The following C10orf67 variants were observed in gnomAD, a reference collection of about 807,000 sequenced individuals.
The protein encoded by C10orf67 is uncharacterized protein C10orf67, mitochondrial.
C10orf67 carries 60 observed loss-of-function variants against 35.6 expected under a neutral mutation model. The ratio of observed to expected loss-of-function variants is 1.68; its 90% confidence interval spans 1.37 to 2.09. The LOEUF (loss-of-function observed/expected upper bound fraction) is 2.09. Ranked by LOEUF, C10orf67 falls within the 30% of genes most tolerant of loss-of-function variation. The pLI is 0.00. For missense variants in C10orf67, 474 were observed against 330.2 expected (o/e 1.44, Z -3.38); for synonymous variants, 167 against 115.8 (o/e 1.44, Z -2.84).
chr10:23,234,572 G>C (rs1373376482), intron 13 of C10orf67, among the ~76,000 whole-genome samples: 1 of 152,088 alleles, frequency 6.6e-6, no homozygotes, highest in Non-Finnish European at 1.5e-5. Context: ...AATAACTAAT[G>C]GGTTCCGGAC....
chr10:23,306,165 G>C (rs4747460), intron 4 of C10orf67, among the ~76,000 whole-genome samples: 11,962 of 152,168 alleles, frequency 0.079, 1,410 homozygotes, highest in East Asian at 0.62. Context: ...ATATAAAAAG[G>C]TAAATAGTGT....
In C10orf67 at chr10:23,203,470, C is replaced by T. The variant is rs1564451188; in HGVS notation, c.*703G>A. On this transcript the variant is annotated 3_prime_UTR_variant, in exon 16 of 16. Transcript: ENST00000636213. ...CTACGATTCAGATACAGGCTCTTAA[C>T]AAGGCCTTACTTGTAGTTAGGGGAA... 2 of 152,192 alleles carry T rather than the reference C, an allele frequency of 1.3e-5. No individual in the cohort carries two copies. Among genetic ancestry groups the T allele is most frequent in the South Asian group, 2.1e-4 (1 of 4,824 alleles). 9.4% of individuals were successfully genotyped at this position (152,192 alleles called of 1,614,324 possible). A position where few individuals can be genotyped will look rare whatever the true frequency, so the allele number is the denominator to read the frequency against.
Position 23,204,207 on chromosome 10 carries a change from A to G in C10orf67, c.1619T>C (p.Met540Thr). Reference protein sequence around the residue: ...PKEESLEEPSMRQSSPAETVD With the variant: ...PKEESLEEPSTRQSSPAETVD ...AGTCTCTGCGGGGCTGCTCTGGCGC[A>G]TGGAGGGCTCCTCCAAGGACTCTTC... The change falls in exon 16 of 16, where the codon ATG becomes ACG. Residue 540 changes from methionine (M) to threonine (T), a missense_variant. By Grantham distance (81) the Met-to-Thr change is moderately conservative. Coordinates refer to ENST00000636213, the MANE Select transcript of C10orf67 (RefSeq NM_001371909.1). The G allele has an allele frequency of 1.5e-6, 1 of 652,186 alleles. No individual in the cohort carries two copies. Among genetic ancestry groups the G allele is most frequent in the Non-Finnish European group, 2.9e-6 (1 of 348,804 alleles). 40.4% of individuals were successfully genotyped at this position (652,186 alleles called of 1,614,324 possible).
intron 15 of C10orf67, among the ~76,000 whole-genome samples, chr10:23,208,036 A>AG (rs1306862258): frequency 6.6e-6 from 1 of 152,216 alleles, no homozygotes; most frequent in African/African-American, 2.4e-5. Context: ...CTAATCCTAG[A>AG]GAAAAATAAA....
chr10:23,250,690 AC>A lies in C10orf67; in HGVS notation c.1201del (p.Val401LeufsTer11), dbSNP rs1235085514. The stretch of plus-strand genomic sequence containing the variant: ...AGACTCCAAACCATGTTTGTCTTCA[AC>A]CTTTCAATAGAAAATATAACACAAA... ...KKALKEDQAV[V>X]EDKHGLESQI... On this transcript the variant is annotated frameshift_variant and splice_region_variant, in exon 11 of 16. Coordinates refer to ENST00000636213, the MANE Select transcript of C10orf67 (RefSeq NM_001371909.1). LOFTEE classifies it high-confidence loss of function. 1.0e-5 allele frequency: 4 copies of A among 398,454 alleles called. No homozygotes were observed. The highest frequency in any genetic ancestry group is 8.2e-5 in the African/African-American group (4 of 48,592). 24.7% of individuals were successfully genotyped at this position (398,454 alleles called of 1,614,324 possible).
chr10:23,216,518 A>G (rs1400367453), intron 15 of C10orf67, among the ~76,000 whole-genome samples: 1 of 152,172 alleles, frequency 6.6e-6, no homozygotes, highest in Non-Finnish European at 1.5e-5. Context: ...TCACACATAT[A>G]CACTATGAGA....
intron 1 of C10orf67, chr10:23,344,028 G>C (rs899329585): frequency 2.5e-6 from 1 of 395,192 alleles, no homozygotes; most frequent in South Asian, 1.8e-5. Context: ...GCCTCCCGCG[G>C]AGCCGCTCGC....
At chr10:23,248,813 A>T (rs187159971) in intron 12 of C10orf67, among the ~76,000 whole-genome samples, 1 of 152,328 alleles carries the variant, frequency 6.6e-6, no homozygotes, top group East Asian at 1.9e-4. Flanking sequence ...ATGAGAAAAC[A>T]TAGAAAGTGT....
At chr10:23,244,048 C>T (rs2132146002) in intron 12 of C10orf67, among the ~76,000 whole-genome samples, 1 of 152,198 alleles carries the variant, frequency 6.6e-6, no homozygotes, top group African/African-American at 2.4e-5. Context: ...CATGCCACGA[C>T]ACCCAGCTAA....
chr10:23,210,525 T>A (rs1046762700), intron 15 of C10orf67, among the ~76,000 whole-genome samples: 8 of 152,100 alleles, frequency 5.3e-5, no homozygotes, highest in African/African-American at 1.9e-4. Flanking sequence ...GTTCAAGTGA[T>A]CCTCCCACCT....
intron 15 of C10orf67, among the ~76,000 whole-genome samples, chr10:23,212,406 C>T (rs1484399730): frequency 6.6e-6 from 1 of 152,186 alleles, no homozygotes; most frequent in Admixed American, 6.5e-5. Flanking sequence ...GCTGCAGAAA[C>T]CCATCCTGAT....
intron 2 of C10orf67, among the ~76,000 whole-genome samples, chr10:23,329,603 T>G (rs1419489420): frequency 6.6e-6 from 1 of 151,792 alleles, no homozygotes; most frequent in Admixed American, 6.6e-5. Flanking sequence ...TTATAGAGTA[T>G]AGCCTGGGTA....
chr10:23,231,165 T>A (rs1841897782), intron 13 of C10orf67, among the ~76,000 whole-genome samples: 1 of 152,098 alleles, frequency 6.6e-6, no homozygotes, highest in African/African-American at 2.4e-5. Context: ...TTGCCCAGGC[T>A]GGTCTCAAAC....
intron 4 of C10orf67, among the ~76,000 whole-genome samples, chr10:23,313,687 T>G (rs945757311): frequency 6.6e-6 from 1 of 151,902 alleles, no homozygotes; most frequent in Non-Finnish European, 1.5e-5. Flanking sequence ...GTTAATAACT[T>G]GAGGAGAGCT....
At chr10:23,300,118 C>T (rs1339282630) in intron 5 of C10orf67, among the ~76,000 whole-genome samples, 2 of 152,138 alleles carry the variant, frequency 1.3e-5, no homozygotes, top group Admixed American at 1.3e-4. Context: ...CACCCTCAGT[C>T]CTGCTGCTCG....
At chr10:23,282,961 A>G (rs1487873135) in intron 7 of C10orf67, among the ~76,000 whole-genome samples, 2 of 152,166 alleles carry the variant, frequency 1.3e-5, no homozygotes, top group Non-Finnish European at 2.9e-5. Context: ...GGTACAAAAA[A>G]AAAACGGCTA....
chr10:23,305,695 T>C (rs927256372), intron 4 of C10orf67, among the ~76,000 whole-genome samples: 6 of 152,144 alleles, frequency 3.9e-5, no homozygotes, highest in African/African-American at 1.2e-4. Context: ...GGCAACGGTA[T>C]GGAGAAAAGG....
intron 5 of C10orf67, among the ~76,000 whole-genome samples, chr10:23,292,417 T>C (rs912428256): frequency 3.3e-5 from 5 of 152,278 alleles, no homozygotes; most frequent in East Asian, 1.9e-4. Context: ...AAAATTACTA[T>C]AGACATTAAA....
intron 12 of C10orf67, among the ~76,000 whole-genome samples, chr10:23,245,226 A>G (rs2132147810): frequency 6.6e-6 from 1 of 152,346 alleles, no homozygotes; most frequent in East Asian, 1.9e-4. Context: ...GATTAAAGGC[A>G]TAAACATAAG....
Sources: gnomAD v4.1 joint callset for allele counts (sites outside exome capture counted in the v4.1 genomes callset) on GRCh38, gnomAD v4.1.1 for gene constraint, MANE v1.5 for transcripts, NCBI Gene and HGNC (gene_info 2026-07-23, HGNC 2026-07-21) for gene names.